HMGA2: variants seen among roughly 807,000 people sequenced by gnomAD.
HMGA2 encodes high mobility group AT-hook 2.
Under a neutral mutation model 19.1 loss-of-function variants are expected in HMGA2, and 8 were observed. The ratio of observed to expected loss-of-function variants is 0.42; its 90% CI spans 0.25 to 0.76. The LOEUF is 0.76. Ranked by LOEUF, HMGA2 falls within the 30% of genes least tolerant of loss-of-function variation. The pLI is 0.28. For synonymous variants in HMGA2, 60 were observed against 48.8 expected (o/e 1.23, Z -0.96); for missense variants, 109 against 136.3 (o/e 0.80, Z 1.00).
chr12:65,855,458 T>TCACACACACA lies in HMGA2; in HGVS notation c.249+16912_249+16921dup, dbSNP rs3048829. ...TTCTCTTTCTCTCTCTCTCTCTCTCTCACACACACACACACACACACACAC... is the reference window on the plus strand; with the variant it reads ...TTCTCTTTCTCTCTCTCTCTCTCTCTCACACACACACACACACACACACACACACACACAC... On this transcript the variant is annotated intron_variant, in intron 3 of 4. Transcript: ENST00000403681. Among the ~76,000 whole-genome samples the TCACACACACA allele has an allele frequency of 8.8e-3, 1,240 of 140,216 alleles. 11 individuals carry two copies. Among genetic ancestry groups the TCACACACACA allele is most frequent in the East Asian group, 0.012 (58 of 4,812 alleles). The allele number at this position is 140,216 out of a possible 152,430, so 92.0% of individuals were successfully genotyped here.
intron 3 of HMGA2, among the ~76,000 whole-genome samples, chr12:65,904,433 A>G (rs192296517): frequency 2.0e-5 from 3 of 152,352 alleles, no homozygotes; most frequent in Admixed American, 1.3e-4. Flanking sequence ...AGTAGAAAGC[A>G]TTCAGAATCA....
In HMGA2 at chr12:65,863,630, T is replaced by C. The variant is rs1453607091; in HGVS notation, c.249+25061T>C. Among the ~76,000 whole-genome samples, 6 of 152,322 alleles carry C rather than the reference T, an allele frequency of 3.9e-5. No homozygotes were observed. The East Asian group carries it at 1.2e-3, about 29-fold the overall frequency. On this transcript the variant is annotated intron_variant, in intron 3 of 4. Coordinates refer to ENST00000403681, the MANE Select transcript of HMGA2 (RefSeq NM_003483.6). ...TGGACCAGATGATGAGAAACTAAAT[T>C]GTAATTTGGGATTCATTCACAAGAA...
At chr12:65,856,862 T>A (rs1056940984) in intron 3 of HMGA2, 1 of 152,190 alleles carries the variant, frequency 6.6e-6, no homozygotes, top group Non-Finnish European at 1.5e-5. Context: ...TTTCCTCTTA[T>A]AAGGACACCA....
Position 65,882,681 on chromosome 12 carries a change from G to T in HMGA2, c.249+44112G>T, listed in dbSNP as rs751901711. Reference sequence around the variant, plus strand: ...GGATGAGAAAATACCTCTAAGGGTTGTTGTGACAATTAAATGAGAAAGCAT... The same window carrying T: ...GGATGAGAAAATACCTCTAAGGGTTTTTGTGACAATTAAATGAGAAAGCAT... On this transcript the variant is annotated intron_variant, in intron 3 of 4. Coordinates refer to ENST00000403681, the MANE Select transcript of HMGA2 (RefSeq NM_003483.6). Among the ~76,000 whole-genome samples, 66 of 152,228 alleles carry T rather than the reference G, an allele frequency of 4.3e-4. 1 individual carries two copies. Among genetic ancestry groups the T allele is most frequent in the South Asian group, 6.2e-4 (3 of 4,830 alleles).
At chr12:65,884,384 G>A (rs1298654604) in intron 3 of HMGA2, among the ~76,000 whole-genome samples, 1 of 152,132 alleles carries the variant, frequency 6.6e-6, no homozygotes, top group African/African-American at 2.4e-5. Flanking sequence ...AAACAGTTCT[G>A]GTCTCAAGCA....
intron 3 of HMGA2, among the ~76,000 whole-genome samples, chr12:65,882,550 G>A (rs1235829834): frequency 1.3e-5 from 2 of 152,224 alleles, no homozygotes; most frequent in Non-Finnish European, 2.9e-5. Context: ...AATGTCTCCT[G>A]AGGGCCTGTC....
intron 3 of HMGA2, among the ~76,000 whole-genome samples, chr12:65,894,171 A>G (rs1874031598): frequency 6.6e-6 from 1 of 152,178 alleles, no homozygotes; most frequent in Non-Finnish European, 1.5e-5. Flanking sequence ...TAAGGATTCT[A>G]TTTTAAATAG....
chr12:65,847,057 G>A (rs1293602514), intron 3 of HMGA2, among the ~76,000 whole-genome samples: 1 of 152,008 alleles, frequency 6.6e-6, no homozygotes, highest in African/African-American at 2.4e-5. Context: ...TAATTTGAAT[G>A]TTCATGTATA....
In HMGA2 at chr12:65,915,442, C is replaced by T. The variant is rs1247070469; in HGVS notation, c.250-35941C>T. 7.9e-6 allele frequency: 10 copies of T among 1,261,290 alleles called. No homozygotes were observed. The African/African-American group carries it at 1.2e-4, about 15-fold the overall frequency. The allele number at this position is 1,261,290 out of a possible 1,614,324, so 78.1% of individuals were successfully genotyped here. The stretch of plus-strand genomic sequence containing the variant: ...TAGAGGGTGGGCTGAACTCCAGTTA[C>T]TCTCGTACAGGGATCCACCTTTTTG... On this transcript the variant is annotated intron_variant, in intron 3 of 4. Transcript: ENST00000403681.
At chr12:65,952,289 T>G in intron 4 of HMGA2, 1 of 1,107,246 alleles carries the variant, frequency 9.0e-7, no homozygotes, top group Non-Finnish European at 1.3e-6. Flanking sequence ...TCATGTAATT[T>G]TAAGTATCCA....
At chr12:65,881,504 G>GAACAA (rs1365469297) in intron 3 of HMGA2, 33 of 573,372 alleles carry the variant, frequency 5.8e-5, no homozygotes, top group Middle Eastern at 4.5e-4. Context: ...AATAGTAGCA[G>GAACAA]AACAAAACAA....
At chr12:65,828,132 A>G in intron 2 of HMGA2, 45 bp downstream of exon 2, 2 of 1,389,610 alleles carry the variant, frequency 1.4e-6, no homozygotes, top group Non-Finnish European at 2.1e-6. Context: ...TCAATGACTG[A>G]CTACAGGAGC....
intron 3 of HMGA2, among the ~76,000 whole-genome samples, chr12:65,943,384 C>G (rs571094394): frequency 7.9e-5 from 12 of 152,100 alleles, no homozygotes; most frequent in Non-Finnish European, 1.8e-4. Context: ...AAAGTATCAG[C>G]CCCCCAGTCT....
chr12:65,933,274 T>C (rs1168091182), intron 3 of HMGA2, among the ~76,000 whole-genome samples: 1 of 152,208 alleles, frequency 6.6e-6, no homozygotes, highest in East Asian at 1.9e-4. Context: ...AAACATGGTC[T>C]CTTCATATAC....
At chr12:65,936,403 G>T (rs978599651) in intron 3 of HMGA2, among the ~76,000 whole-genome samples, 24 of 152,062 alleles carry the variant, frequency 1.6e-4, no homozygotes, top group Non-Finnish European at 2.4e-4. Context: ...CAAGTTAGGT[G>T]AACAAAGCAC....
intron 3 of HMGA2, among the ~76,000 whole-genome samples, chr12:65,838,802 A>G (rs1283425959): frequency 1.3e-5 from 2 of 152,058 alleles, no homozygotes; most frequent in Non-Finnish European, 2.9e-5. Context: ...ATCTCTTATC[A>G]ACATCAAAAG....
chr12:65,865,333 G>A (rs1872338952), intron 3 of HMGA2, among the ~76,000 whole-genome samples: 1 of 152,102 alleles, frequency 6.6e-6, no homozygotes, highest in Admixed American at 6.5e-5. Flanking sequence ...CCCCTGCATT[G>A]TTGAAGGGTC....
intron 2 of HMGA2, among the ~76,000 whole-genome samples, chr12:65,834,051 C>G (rs542569250): frequency 6.6e-6 from 1 of 152,230 alleles, no homozygotes; most frequent in South Asian, 2.1e-4. Context: ...AATGAGAAAA[C>G]TGTGATTCAA....
chr12:65,839,019 C>A (rs1481187791), intron 3 of HMGA2, among the ~76,000 whole-genome samples: 1 of 77,098 alleles, frequency 1.3e-5, no homozygotes, highest in African/African-American at 1.4e-4. Flanking sequence ...TTGGTTTTCT[C>A]CATGGCTTTT....
Sources: allele counts gnomAD v4.1 joint callset (sites outside exome capture counted in the v4.1 genomes callset), GRCh38; gene constraint gnomAD v4.1.1; transcripts MANE v1.5; gene names NCBI Gene and HGNC (gene_info 2026-07-23, HGNC 2026-07-21).